The following KIAA0319 variants were observed in gnomAD, a reference collection of about 807,000 sequenced individuals.
KIAA0319 encodes the protein dyslexia-associated protein KIAA0319.
A neutral mutation model predicts 108.4 loss-of-function variants in KIAA0319; 83 were observed. The ratio of observed to expected loss-of-function variants is 0.77; its 90% CI spans 0.64 to 0.92. KIAA0319 has a LOEUF of 0.92. KIAA0319 is among the 40% of genes least tolerant of loss of function. KIAA0319 has a pLI of 0.00. For missense variants in KIAA0319, 1,195 were observed against 1,322.4 expected (o/e 0.90, Z 1.49); for synonymous variants, 484 against 510.4 (o/e 0.95, Z 0.70).
At chr6:24,561,221 T>G (rs538724045) in intron 16 of KIAA0319, among the ~76,000 whole-genome samples, 14 of 152,328 alleles carry the variant, frequency 9.2e-5, no homozygotes, top group African/African-American at 3.1e-4. Context: ...GTGATGTCTT[T>G]GTCTGATTTT....
At chr6:24,645,373 AAGAG>A (rs1334485234) in intron 1 of KIAA0319, among the ~76,000 whole-genome samples, 1 of 152,226 alleles carries the variant, frequency 6.6e-6, no homozygotes, top group East Asian at 1.9e-4. Context: ...CAAAGGGAAG[AAGAG>A]AAAGATTTTA....
Position 24,601,215 on chromosome 6 carries a change from A to T in KIAA0319, c.-105-7T>A. On this transcript the variant is annotated splice_polypyrimidine_tract_variant and splice_region_variant and intron_variant, in intron 1 of 20. Transcript: ENST00000378214. ...CCAGATTTGGCCTCAAGAACTTCAA[A>T]GGAAAAACATAAAAGAGGAAGGAAG... is the stretch of plus-strand genomic sequence containing the variant. The T allele has an allele frequency of 1.3e-6, 2 of 1,548,394 alleles. No homozygotes were observed. The highest frequency in any genetic ancestry group is 1.7e-6 in the Non-Finnish European group (2 of 1,149,234).
At chr6:24,585,381 G>A (rs1767312662) in intron 4 of KIAA0319, among the ~76,000 whole-genome samples, 1 of 150,026 alleles carries the variant, frequency 6.7e-6, no homozygotes, top group African/African-American at 2.4e-5. Flanking sequence ...TTGCCCACAA[G>A]AAACTCCTTG....
intron 1 of KIAA0319, among the ~76,000 whole-genome samples, chr6:24,639,632 G>A (rs531375499): frequency 5.3e-5 from 8 of 152,214 alleles, no homozygotes; most frequent in South Asian, 4.1e-4. Context: ...GGCAGATCAC[G>A]AGGTCAGGAG....
chr6:24,570,686 A>G (rs535860556), intron 11 of KIAA0319, among the ~76,000 whole-genome samples: 4 of 140,828 alleles, frequency 2.8e-5, no homozygotes, highest in South Asian at 2.6e-4. Context: ...GAGAGGAAGG[A>G]AGGGAGGGAG....
At chr6:24,609,331 C>A (rs966030878) in intron 1 of KIAA0319, among the ~76,000 whole-genome samples, 1 of 149,452 alleles carries the variant, frequency 6.7e-6, no homozygotes, top group African/African-American at 2.5e-5. Context: ...GGAATCCCAG[C>A]ACTTTGGGAG....
At chr6:24,602,161 C>T (rs544817500) in intron 1 of KIAA0319, among the ~76,000 whole-genome samples, 11 of 152,082 alleles carry the variant, frequency 7.2e-5, no homozygotes, top group East Asian at 1.9e-4. Context: ...GGATTACAGG[C>T]GCACACTACC....
rs531557792 is a variant in KIAA0319, at chr6:24,583,221, A to G, written c.1093+383T>C. 3 of 991,292 alleles carry G rather than the reference A, an allele frequency of 3.0e-6. No homozygotes were observed. In the African/African-American group the frequency reaches 5.2e-5, roughly 17 times the overall value. 61.4% of individuals were successfully genotyped at this position (991,292 alleles called of 1,614,324 possible). Reference sequence around the variant, plus strand: ...TGAGAGCCGTGATTGTCAATGCCACAGTATCTGCAAACAAACCTATGGGTG... The same window carrying G: ...TGAGAGCCGTGATTGTCAATGCCACGGTATCTGCAAACAAACCTATGGGTG... On this transcript the variant is annotated intron_variant, in intron 5 of 20. Coordinates refer to ENST00000378214, the MANE Select transcript of KIAA0319 (RefSeq NM_014809.4).
chr6:24,576,250 CA>C (rs1765484229), intron 10 of KIAA0319, 117 bp downstream of exon 10: 3 of 790,546 alleles, frequency 3.8e-6, no homozygotes, highest in Non-Finnish European at 6.3e-6. Flanking sequence ...TGTAATAGAT[CA>C]GATAACTTTA....
chr6:24,585,637 T>G (rs956299171), intron 4 of KIAA0319, among the ~76,000 whole-genome samples: 7 of 152,200 alleles, frequency 4.6e-5, no homozygotes, highest in Non-Finnish European at 1.0e-4. Context: ...AAATTGTGTA[T>G]TCAGTGAAAG....
chr6:24,628,271 T>C (rs2127581295), intron 1 of KIAA0319, among the ~76,000 whole-genome samples: 1 of 152,344 alleles, frequency 6.6e-6, no homozygotes, highest in Non-Finnish European at 1.5e-5. Flanking sequence ...TCCCACCTTT[T>C]TAAGAATTTT....
At chr6:24,632,876 G>A (rs780868431) in intron 1 of KIAA0319, among the ~76,000 whole-genome samples, 11 of 152,150 alleles carry the variant, frequency 7.2e-5, no homozygotes, top group Non-Finnish European at 1.6e-4. Flanking sequence ...GGGATAAAAT[G>A]ACTCCCTATT....
rs563174081 is a variant in KIAA0319, at chr6:24,621,899, T to C, written c.-105-20691A>G. Among the ~76,000 whole-genome samples the C allele has an allele frequency of 1.2e-4, 18 of 152,274 alleles. No homozygotes were observed. In the South Asian group the frequency reaches 3.3e-3, roughly 28 times the overall value. On this transcript the variant is annotated intron_variant, in intron 1 of 20. Coordinates refer to ENST00000378214, the MANE Select transcript of KIAA0319 (RefSeq NM_014809.4). ...GACAGAACCGGCCAAGGCACAATCG[T>C]TGGGGTGATCACCAAACGAAAAACA...
intron 1 of KIAA0319, among the ~76,000 whole-genome samples, chr6:24,640,225 T>C (rs1776746005): frequency 1.3e-5 from 2 of 152,138 alleles, no homozygotes; most frequent in African/African-American, 4.8e-5. Flanking sequence ...GCTTCTACTA[T>C]CCAGGAACAG....
At chr6:24,620,207 T>C (rs1164817667) in intron 1 of KIAA0319, among the ~76,000 whole-genome samples, 1 of 152,236 alleles carries the variant, frequency 6.6e-6, no homozygotes, top group Non-Finnish European at 1.5e-5. Context: ...ACTGTGGCAC[T>C]CCAGAACTTG....
intron 14 of KIAA0319, among the ~76,000 whole-genome samples, chr6:24,565,022 C>T (rs2817193): frequency 0.059 from 8,914 of 151,696 alleles, 621 homozygotes; most frequent in African/African-American, 0.17. Flanking sequence ...CAAAGGCAGG[C>T]GGATCACGAG....
At chr6:24,576,841 T>C (rs2127473417) in intron 9 of KIAA0319, among the ~76,000 whole-genome samples, 1 of 151,966 alleles carries the variant, frequency 6.6e-6, no homozygotes, top group South Asian at 2.1e-4. Context: ...GGGAGGATCA[T>C]TTGAGCCCGG....
At chr6:24,633,637 A>T (rs2127590693) in intron 1 of KIAA0319, among the ~76,000 whole-genome samples, 1 of 152,310 alleles carries the variant, frequency 6.6e-6, no homozygotes, top group Admixed American at 6.5e-5. Context: ...AAAACTCAAC[A>T]GAATGCTTTA....
chr6:24,633,249 C>T (rs2127590230), intron 1 of KIAA0319, among the ~76,000 whole-genome samples: 1 of 152,260 alleles, frequency 6.6e-6, no homozygotes, highest in African/African-American at 2.4e-5. Context: ...AGAAGGTGCA[C>T]TAATCAGGGA....
Sources: gnomAD v4.1 joint callset for allele counts (sites outside exome capture counted in the v4.1 genomes callset) on GRCh38, gnomAD v4.1.1 for gene constraint, MANE v1.5 for transcripts, NCBI Gene and HGNC (gene_info 2026-07-23, HGNC 2026-07-21) for gene names.